SOBP: variants seen among roughly 807,000 people sequenced by gnomAD.
The protein encoded by SOBP is sine oculis-binding protein homolog.
Under a neutral mutation model 53.6 loss-of-function variants are expected in SOBP, and 4 were observed. That is an observed-to-expected ratio of 0.07 (90% confidence interval 0.04 to 0.17). The LOEUF is 0.17. SOBP is among the 10% of genes least tolerant of loss of function. The pLI is 1.00. For missense variants in SOBP, 1,088 were observed against 1,204.7 expected (o/e 0.90, Z 1.43); for synonymous variants, 584 against 522.6 (o/e 1.12, Z -1.60).
chr6:107,626,786 C>G (rs1770478877), intron 5 of SOBP, among the ~76,000 whole-genome samples: 1 of 150,010 alleles, frequency 6.7e-6, no homozygotes, highest in Admixed American at 6.6e-5. Flanking sequence ...TCTGTAGTCC[C>G]CTCCCAGTTT....
At position 107,589,862 on chromosome 6, in the gene SOBP, C is replaced by T. The variant is rs974745508; in HGVS notation, c.669+2687C>T. ...AGGCATGCGCACACACGTGCACACA[C>T]ACACACACGGGTGTTTTGCTGGCAT... is the stretch of plus-strand genomic sequence containing the variant. On this transcript the variant is annotated intron_variant, in intron 5 of 6. Coordinates refer to ENST00000317357, the MANE Select transcript of SOBP (RefSeq NM_018013.4). Among the ~76,000 whole-genome samples, 51 of 152,356 alleles carry T rather than the reference C, an allele frequency of 3.3e-4. No individual in the cohort carries two copies. In the East Asian group the frequency reaches 4.6e-3, roughly 14 times the overall value.
chr6:107,532,266 CACACACCA>C (rs1188421999), intron 3 of SOBP, among the ~76,000 whole-genome samples: 4 of 150,302 alleles, frequency 2.7e-5, no homozygotes, highest in African/African-American at 9.9e-5. Context: ...CACACACACA[CACACACCA>C]CACACACACA....
In SOBP at chr6:107,659,547, T is replaced by C. The variant is rs1583321736; in HGVS notation, c.*1344T>C. On this transcript the variant is annotated 3_prime_UTR_variant, in exon 7 of 7. Coordinates refer to ENST00000317357, the MANE Select transcript of SOBP (RefSeq NM_018013.4). ...GGAAGAAAACTAAAAAAAAAAAAAA[T>C]CAAATCACCTTGTGATTCAGTGTAT... 8.5e-6 allele frequency: 1 copy of C among 117,162 alleles called. No individual in the cohort carries two copies. Among genetic ancestry groups the C allele is most frequent in the East Asian group, 2.5e-4 (1 of 3,968 alleles). The allele number at this position is 117,162 out of a possible 1,614,324, so 7.3% of individuals were successfully genotyped here.
At chr6:107,644,071 G>A (rs1420402806) in intron 6 of SOBP, among the ~76,000 whole-genome samples, 2 of 152,212 alleles carry the variant, frequency 1.3e-5, no homozygotes, top group African/African-American at 4.8e-5. Flanking sequence ...GGAGGCCAAG[G>A]CGGGTGGATC....
At chr6:107,537,640 G>A (rs1042432679) in intron 4 of SOBP, among the ~76,000 whole-genome samples, 6 of 151,970 alleles carry the variant, frequency 3.9e-5, no homozygotes, top group Admixed American at 1.3e-4. Flanking sequence ...GAGCAATAGC[G>A]CGAGACCCTG....
chr6:107,647,519 C>T (rs1419407852), intron 6 of SOBP, among the ~76,000 whole-genome samples: 2 of 152,222 alleles, frequency 1.3e-5, no homozygotes, highest in Non-Finnish European at 2.9e-5. Context: ...GTCATGATAG[C>T]CCCTACAGCC....
Position 107,635,037 on chromosome 6 carries a change from C to G in SOBP, c.2193C>G (p.Ala731=). Residue 731 remains alanine, a synonymous_variant, in exon 6 of 7, where the codon GCC becomes GCG. Coordinates refer to ENST00000317357, the MANE Select transcript of SOBP (RefSeq NM_018013.4). This position sits in a 1 kb window ranked among gnomAD's most constrained non-coding sequence, Gnocchi z 4.5. The part of the protein sequence containing the change: ...NVIVNGTRGA[A]AEGAKSAEPP... ...TCGTGAACGGCACGCGCGGCGCCGC[C>G]GCCGAGGGCGCTAAGAGCGCGGAGC... 1 of 1,260,778 alleles carries G rather than the reference C, an allele frequency of 7.9e-7. No individual in the cohort carries two copies. The highest frequency in any genetic ancestry group is 1.0e-6 in the Non-Finnish European group (1 of 1,003,484). 78.1% of individuals were successfully genotyped at this position (1,260,778 alleles called of 1,614,324 possible). A position where few individuals can be genotyped will look rare whatever the true frequency, so the allele number is the denominator to read the frequency against.
intron 4 of SOBP, among the ~76,000 whole-genome samples, chr6:107,579,197 C>G (rs1318340531): frequency 6.6e-6 from 1 of 152,048 alleles, no homozygotes; most frequent in Non-Finnish European, 1.5e-5. Flanking sequence ...GGGAAAGGAG[C>G]CTGGATAATC....
At chr6:107,571,557 C>T (rs1227220405) in intron 4 of SOBP, among the ~76,000 whole-genome samples, 1 of 152,182 alleles carries the variant, frequency 6.6e-6, no homozygotes, top group Non-Finnish European at 1.5e-5. Context: ...GCTTGATTCT[C>T]ATTCATTTGG....
At chr6:107,618,219 G>T (rs1375651767) in intron 5 of SOBP, among the ~76,000 whole-genome samples, 1 of 152,174 alleles carries the variant, frequency 6.6e-6, no homozygotes, top group Non-Finnish European at 1.5e-5. Context: ...CAATAGAGAA[G>T]AATTTGCATA....
chr6:107,566,593 T>G (rs1784923778), intron 4 of SOBP, among the ~76,000 whole-genome samples: 1 of 152,232 alleles, frequency 6.6e-6, no homozygotes, highest in Admixed American at 6.5e-5. Context: ...TCTGATTTTC[T>G]CTGGCTGTCT....
At position 107,661,091 on chromosome 6, in the gene SOBP, TG is replaced by T. The variant is rs1772275925; in HGVS notation, c.*2889del. ...CCATGGAGACAGTCATCCAGGATAT[TG>T]ATTTTGCTTTTGTCTGTAGTCCAAG... On this transcript the variant is annotated 3_prime_UTR_variant, in exon 7 of 7. Transcript: ENST00000317357. Among the ~76,000 whole-genome samples the T allele has an allele frequency of 1.3e-5, 2 of 152,212 alleles. No homozygotes were observed.
intron 4 of SOBP, among the ~76,000 whole-genome samples, chr6:107,581,989 G>C (rs1372300418): frequency 6.6e-6 from 1 of 152,172 alleles, no homozygotes; most frequent in Non-Finnish European, 1.5e-5. Flanking sequence ...CCCCGGCCCT[G>C]ATTCCAGGCA....
Position 107,503,814 on chromosome 6 carries a change from C to T in SOBP, c.235+19C>T. 1 of 1,613,222 alleles carries T rather than the reference C, an allele frequency of 6.2e-7. No individual in the cohort carries two copies. The highest frequency in any genetic ancestry group is 8.5e-7 in the Non-Finnish European group (1 of 1,179,932). On this transcript the variant is annotated intron_variant, in intron 2 of 6. Coordinates refer to ENST00000317357, the MANE Select transcript of SOBP (RefSeq NM_018013.4). ...CTCAAAGGTAATGACATTTAATGTC[C>T]TTTTGTTCATGCAAAGAAGGATTAA...
chr6:107,522,537 C>CTTTTTTTTTT (rs71551313), intron 3 of SOBP, among the ~76,000 whole-genome samples: 8 of 74,098 alleles, frequency 1.1e-4, no homozygotes, highest in Admixed American at 4.0e-4. Context: ...AGTATAAAAA[C>CTTTTTTTTTT]TTTTTTTTTT....
intron 6 of SOBP, among the ~76,000 whole-genome samples, chr6:107,650,718 T>A (rs544340180): frequency 1.3e-5 from 2 of 152,334 alleles, no homozygotes; most frequent in South Asian, 4.1e-4. Flanking sequence ...GCCTCCCTAT[T>A]TCCTGAGATA....
intron 5 of SOBP, among the ~76,000 whole-genome samples, chr6:107,589,174 G>T (rs1051297756): frequency 6.6e-6 from 1 of 152,166 alleles, no homozygotes; most frequent in Non-Finnish European, 1.5e-5. Flanking sequence ...CTGAAGGGTG[G>T]TTCTGCCATC....
rs1168665698 is a variant in SOBP at position 107,635,020 on chromosome 6, G to C, written c.2176G>C (p.Gly726Arg). 8 of 1,209,720 alleles carry C rather than the reference G, an allele frequency of 6.6e-6. No individual in the cohort carries two copies. The highest frequency in any genetic ancestry group is 7.2e-6 in the Non-Finnish European group (7 of 973,442). 74.9% of individuals were successfully genotyped at this position (1,209,720 alleles called of 1,614,324 possible). A position where few individuals can be genotyped will look rare whatever the true frequency, so the allele number is the denominator to read the frequency against. Residue 726 changes from glycine to arginine, a missense_variant, in exon 6 of 7, where the codon GGC becomes CGC. By Grantham distance (125) the Gly-to-Arg change is moderately radical (BLOSUM62 -2). Transcript: ENST00000317357. The surrounding 1 kb of genome is among the most constrained non-coding windows in gnomAD (Gnocchi z 4.5). ...AAAACNVIVNGTRGAAAEGAK... is the reference protein window; with the variant it reads ...AAAACNVIVNRTRGAAAEGAK... ...CGCGGCCTGCAACGTCATCGTGAAC[G>C]GCACGCGCGGCGCCGCCGCCGAGGG...
intron 5 of SOBP, among the ~76,000 whole-genome samples, chr6:107,624,059 T>C (rs1247928277): frequency 6.6e-6 from 1 of 152,220 alleles, no homozygotes; most frequent in Non-Finnish European, 1.5e-5. Context: ...TCAATAAATG[T>C]TTGTTTTTAA....
Sources: allele counts gnomAD v4.1 joint callset (sites outside exome capture counted in the v4.1 genomes callset), GRCh38; gene constraint gnomAD v4.1.1; non-coding constraint Gnocchi (gnomAD v3.1); transcripts MANE v1.5; gene names NCBI Gene and HGNC (gene_info 2026-07-23, HGNC 2026-07-21).